ABL2: variants seen among roughly 807,000 people sequenced by gnomAD.
The protein encoded by ABL2 is tyrosine-protein kinase ABL2.
ABL2 carries 49 observed loss-of-function variants against 107.7 expected under a neutral mutation model. The observed-to-expected ratio is 0.45, with a 90% CI of 0.36 to 0.58. The LOEUF is 0.58. ABL2 is among the 20% of genes least tolerant of loss of function. The probability of loss-of-function intolerance (pLI) is 0.00; values close to 1 mark genes in which losing one functional copy is unlikely to be tolerated. For missense variants in ABL2, 1,245 were observed against 1,457.0 expected, an observed-to-expected ratio of 0.85 and a Z score of 2.37; for synonymous variants, 549 against 548.6, an observed-to-expected ratio of 1.00 and a Z score of -0.01.
At chr1:179,224,404 C>T (rs1163952948) in intron 1 of ABL2, among the ~76,000 whole-genome samples, 3 of 151,562 alleles carry the variant, frequency 2.0e-5, no homozygotes, top group African/African-American at 7.3e-5. Context: ...GTAGCTGGGA[C>T]TATAGGTGCC....
chr1:179,193,976 A>C (rs151241872), intron 1 of ABL2, among the ~76,000 whole-genome samples: 300 of 152,114 alleles, frequency 2.0e-3, no homozygotes, highest in African/African-American at 6.8e-3. Flanking sequence ...CCAAATTTTT[A>C]AGTGATAGCA....
At chr1:179,201,054 A>T (rs1040651442) in intron 1 of ABL2, among the ~76,000 whole-genome samples, 13 of 152,234 alleles carry the variant, frequency 8.5e-5, no homozygotes, top group African/African-American at 2.9e-4. Context: ...TTATACAAAC[A>T]GCTTAGGCAC....
chr1:179,109,793 T>A (rs758380066), intron 11 of ABL2, among the ~76,000 whole-genome samples: 1 of 152,018 alleles, frequency 6.6e-6, no homozygotes, highest in African/African-American at 2.4e-5. Flanking sequence ...CTGGGCATGG[T>A]GGCGGGCGCC....
chr1:179,183,839 G>A, intron 1 of ABL2: 1 of 183,260 alleles, frequency 5.5e-6, no homozygotes, highest in Non-Finnish European at 1.1e-5. Context: ...TTTCCTAGCA[G>A]CATGGCCCCT....
At chr1:179,162,475 C>G (rs1449308225) in intron 1 of ABL2, among the ~76,000 whole-genome samples, 2 of 152,092 alleles carry the variant, frequency 1.3e-5, no homozygotes, top group Non-Finnish European at 2.9e-5. Context: ...ACCGCAGCTA[C>G]CTGGGAGACT....
At chr1:179,188,646 AAATATTTAG>A (rs1394604315) in intron 1 of ABL2, among the ~76,000 whole-genome samples, 1 of 152,200 alleles carries the variant, frequency 6.6e-6, no homozygotes, top group Non-Finnish European at 1.5e-5. Context: ...TATAGTAAAT[AAATATTTAG>A]TTAGCACCTG....
At chr1:179,200,260 T>C (rs186104146) in intron 1 of ABL2, among the ~76,000 whole-genome samples, 441 of 152,026 alleles carry the variant, frequency 2.9e-3, no homozygotes, top group South Asian at 6.5e-3. Flanking sequence ...TTGGCCAGAC[T>C]GGTCTTGAAC....
At chr1:179,145,010 A>C (rs1657888101) in intron 1 of ABL2, among the ~76,000 whole-genome samples, 1 of 152,206 alleles carries the variant, frequency 6.6e-6, no homozygotes. Flanking sequence ...ATTTGGAATA[A>C]AGAGGAGATA....
At chr1:179,176,962 C>A (rs1660085409) in intron 1 of ABL2, among the ~76,000 whole-genome samples, 1 of 152,144 alleles carries the variant, frequency 6.6e-6, no homozygotes, top group South Asian at 2.1e-4. Flanking sequence ...TCCCAAAGTG[C>A]TGGGATTATA....
Position 179,126,824 on chromosome 1 carries a change from T to C in ABL2, c.392-152A>G, listed in dbSNP as rs1572650777. ...TTTTTTTAAATAATGAAAACAAACTTGGCTGTTCATCATATCCTGATTGCT... is the reference window on the plus strand; with the variant it reads ...TTTTTTTAAATAATGAAAACAAACTCGGCTGTTCATCATATCCTGATTGCT... On this transcript the variant is annotated intron_variant, in intron 3 of 11. Coordinates refer to ENST00000502732, the MANE Select transcript of ABL2 (RefSeq NM_007314.4). The surrounding 1 kb of genome is among the most constrained non-coding windows in gnomAD (Gnocchi z 4.4). 2 of 754,866 alleles carry C rather than the reference T, an allele frequency of 2.6e-6. No homozygotes were observed. Among genetic ancestry groups the C allele is most frequent in the East Asian group, 5.4e-5 (2 of 36,782 alleles). 46.8% of individuals were successfully genotyped at this position (754,866 alleles called of 1,614,324 possible).
intron 1 of ABL2, among the ~76,000 whole-genome samples, chr1:179,134,758 C>G (rs1272110221): frequency 6.6e-6 from 1 of 152,176 alleles, no homozygotes; most frequent in Non-Finnish European, 1.5e-5. Context: ...TCCCTCTTTC[C>G]ACGGTCTCCC....
At chr1:179,132,916 T>C (rs1043747949) in intron 2 of ABL2, among the ~76,000 whole-genome samples, 3 of 151,022 alleles carry the variant, frequency 2.0e-5, no homozygotes, top group African/African-American at 7.3e-5. Flanking sequence ...TGGAGTGCAG[T>C]GGCACAATCT....
intron 1 of ABL2, among the ~76,000 whole-genome samples, chr1:179,215,286 G>A (rs1006782046): frequency 2.0e-5 from 3 of 152,110 alleles, no homozygotes; most frequent in Non-Finnish European, 2.9e-5. Context: ...GGCTGGGTGT[G>A]GGAAACACCT....
chr1:179,174,913 ATAAAAAAAAT>A, intron 1 of ABL2, among the ~76,000 whole-genome samples: 1 of 106,938 alleles, frequency 9.4e-6, no homozygotes, highest in Non-Finnish European at 2.0e-5. Flanking sequence ...AAAAAATAAA[ATAAAAAAAAT>A]AATAATAATA....
chr1:179,139,563 A>G (rs1225110131), intron 1 of ABL2, among the ~76,000 whole-genome samples: 1 of 152,198 alleles, frequency 6.6e-6, no homozygotes, highest in African/African-American at 2.4e-5. Flanking sequence ...CAATTCACTC[A>G]GAAATTCCAT....
chr1:179,213,535 A>G (rs1662401931), intron 1 of ABL2, among the ~76,000 whole-genome samples: 1 of 152,094 alleles, frequency 6.6e-6, no homozygotes, highest in Non-Finnish European at 1.5e-5. Context: ...TCCTGGGCTC[A>G]GGTGATCCTC....
intron 1 of ABL2, among the ~76,000 whole-genome samples, chr1:179,214,367 T>C (rs1662444445): frequency 6.6e-6 from 1 of 151,856 alleles, no homozygotes; most frequent in African/African-American, 2.4e-5. Context: ...AGATATAAGA[T>C]GCAACATCTA....
chr1:179,208,422 A>G (rs979137667), intron 1 of ABL2, among the ~76,000 whole-genome samples: 1 of 152,036 alleles, frequency 6.6e-6, no homozygotes, highest in Non-Finnish European at 1.5e-5. Context: ...CTGTTCCTGC[A>G]TTAATTCACT....
chr1:179,107,375 T>C lies in ABL2; in HGVS notation c.*343A>G. 3.4e-6 allele frequency: 1 copy of C among 291,684 alleles called. No individual in the cohort carries two copies. Among genetic ancestry groups the C allele is most frequent in the Non-Finnish European group, 6.5e-6 (1 of 154,602 alleles). The allele number at this position is 291,684 out of a possible 1,614,324, so 18.1% of individuals were successfully genotyped here. ...CCAGGTCTGGGTGCAGCTGCTGCAG[T>C]CTTGCTGAGAGCAGCCCTGCCTAGC... On this transcript the variant is annotated 3_prime_UTR_variant, in exon 12 of 12. Transcript: ENST00000502732.
Sources: gnomAD v4.1 joint callset for allele counts (sites outside exome capture counted in the v4.1 genomes callset) on GRCh38, gnomAD v4.1.1 for gene constraint, Gnocchi (gnomAD v3.1) non-coding constraint, MANE v1.5 for transcripts, NCBI Gene and HGNC (gene_info 2026-07-23, HGNC 2026-07-21) for gene names.